GALK2: variants seen among roughly 807,000 people sequenced by gnomAD.
GALK2 encodes the protein galactokinase 2.
Under a neutral mutation model 52.4 loss-of-function variants are expected in GALK2, and 36 were observed. The ratio of observed to expected loss-of-function variants is 0.69; its 90% CI spans 0.53 to 0.91. GALK2 has a LOEUF of 0.91. GALK2 is among the 40% of genes least tolerant of loss of function. The pLI is 0.00. For missense variants in GALK2, 579 were observed against 559.1 expected (o/e 1.04, Z -0.36); for synonymous variants, 176 against 199.1 (o/e 0.88, Z 0.98).
chr15:49,343,303 T>TG (rs2041013771), intron 3 of GALK2, among the ~76,000 whole-genome samples: 1 of 152,150 alleles, frequency 6.6e-6, no homozygotes, highest in South Asian at 2.1e-4. Context: ...TTCTTCTGCT[T>TG]GGAACAGTCT....
At chr15:49,361,931 A>G (rs1333440495) in intron 3 of GALK2, among the ~76,000 whole-genome samples, 1 of 152,088 alleles carries the variant, frequency 6.6e-6, no homozygotes, top group Non-Finnish European at 1.5e-5. Flanking sequence ...TTTCCATAGT[A>G]GCCATTCTAA....
At chr15:49,333,096 A>G (rs1035024697), downstream of GALK2, among the ~76,000 whole-genome samples, 1 of 152,108 alleles carries the variant, frequency 6.6e-6, no homozygotes, top group Non-Finnish European at 1.5e-5. Flanking sequence ...CTAAGTTAAA[A>G]TCACTCCCTC....
chr15:49,308,543 C>G (rs1175991231), intron 8 of GALK2, among the ~76,000 whole-genome samples: 1 of 152,142 alleles, frequency 6.6e-6, no homozygotes, highest in Non-Finnish European at 1.5e-5. Context: ...ATACTTATTG[C>G]TTTTTAGCTT....
rs576206858 is a variant in GALK2 at position 49,250,231 on chromosome 15, G to C, written c.504+10864G>C. On this transcript the variant is annotated intron_variant, in intron 5 of 9. Coordinates refer to ENST00000560031, the MANE Select transcript of GALK2 (RefSeq NM_002044.4). ...ACAGTGGTCATGGGAAGAGTAAGGA[G>C]CCAAATCATATTGTGTGGAGAAGAA... Among the ~76,000 whole-genome samples the C allele has an allele frequency of 2.6e-5, 4 of 152,278 alleles. No homozygotes were observed. The South Asian group carries it at 6.2e-4, about 24-fold the overall frequency.
At chr15:49,211,307 A>G (rs2088866430) in intron 2 of GALK2, among the ~76,000 whole-genome samples, 1 of 152,150 alleles carries the variant, frequency 6.6e-6, no homozygotes, top group Admixed American at 6.5e-5. Flanking sequence ...AAAGTTTTGT[A>G]TTTTCATCTG....
At chr15:49,334,258 G>A, downstream of GALK2, 1 of 984,516 alleles carries the variant, frequency 1.0e-6, no homozygotes, top group South Asian at 4.7e-5. Context: ...TGCTGTTTTA[G>A]AAGTTTTATT....
intron 5 of GALK2, among the ~76,000 whole-genome samples, chr15:49,267,958 G>T (rs1398279711): frequency 6.6e-6 from 1 of 152,146 alleles, no homozygotes. Flanking sequence ...AGATTTGCCA[G>T]TGTCATATAA....
chr15:49,270,070 G>A (rs76765487), intron 5 of GALK2, among the ~76,000 whole-genome samples: 1,858 of 152,136 alleles, frequency 0.012, 36 homozygotes, highest in African/African-American at 0.043. Context: ...CTCCCCTAAC[G>A]TAACTATTCC....
rs1245775118 is a variant in GALK2, at chr15:49,299,800, TG to T, written c.967+7264del. ...CTTTCTTTCTTTCTTTCTTTCGTGC[TG>T]TAGTCTGAGAGCGTGATTGGTATGA... On this transcript the variant is annotated intron_variant, in intron 8 of 9. Transcript: ENST00000560031. Among the ~76,000 whole-genome samples, 1,272 of 141,022 alleles carry T rather than the reference TG, an allele frequency of 9.0e-3. 29 individuals carry two copies. Among genetic ancestry groups the T allele is most frequent in the African/African-American group, 0.019 (721 of 37,084 alleles). 92.5% of individuals were successfully genotyped at this position (141,022 alleles called of 152,430 possible).
chr15:49,162,719 T>C (rs1470523831), intron 1 of GALK2, among the ~76,000 whole-genome samples: 4 of 152,226 alleles, frequency 2.6e-5, no homozygotes, highest in African/African-American at 9.6e-5. Context: ...AGTGCCCATG[T>C]TGGGAAGGAC....
intron 3 of GALK2, among the ~76,000 whole-genome samples, chr15:49,223,988 A>G (rs1296031044): frequency 6.6e-6 from 1 of 152,016 alleles, no homozygotes; most frequent in Non-Finnish European, 1.5e-5. Flanking sequence ...ACAGTGGCTG[A>G]ACTAATTTAC....
chr15:49,192,642 T>C (rs980023612), intron 1 of GALK2, among the ~76,000 whole-genome samples: 2 of 151,386 alleles, frequency 1.3e-5, no homozygotes, highest in Non-Finnish European at 2.9e-5. Flanking sequence ...TGTACCAAAT[T>C]TGTATTCCCA....
At chr15:49,203,700 AT>A (rs2087995432) in intron 2 of GALK2, among the ~76,000 whole-genome samples, 14 of 152,326 alleles carry the variant, frequency 9.2e-5, no homozygotes, top group Non-Finnish European at 1.6e-4. Context: ...ATTCATTTTT[AT>A]AAATGGTGAG....
chr15:49,211,770 A>T (rs1192703566), intron 2 of GALK2, among the ~76,000 whole-genome samples: 2 of 152,138 alleles, frequency 1.3e-5, no homozygotes, highest in African/African-American at 2.4e-5. Flanking sequence ...AAATGATCAG[A>T]TCTCATGAGA....
chr15:49,174,021 C>T (rs78742999), intron 1 of GALK2, among the ~76,000 whole-genome samples: 10,414 of 152,158 alleles, frequency 0.068, 750 homozygotes, highest in African/African-American at 0.18. Context: ...CAGGCTGAGC[C>T]GCTGTGCCCC....
chr15:49,315,399 G>A (rs2036319446), intron 8 of GALK2, among the ~76,000 whole-genome samples: 1 of 152,198 alleles, frequency 6.6e-6, no homozygotes, highest in Non-Finnish European at 1.5e-5. Context: ...CAGCTATAAT[G>A]TTAGCTGGAC....
chr15:49,319,625 A>G lies in GALK2; in HGVS notation c.989A>G (p.Gln330Arg), dbSNP rs778250145. ...TCAGTGCTCATCTTCAAACTCTATC[A>G]GCGGGCAAAGCATGTGTACAGCGAG... ...TQDVLIFKLY[Q>R]RAKHVYSEAA... is the part of the protein sequence containing the mutation. The change falls in exon 9 of 10, where the codon CAG becomes CGG. Residue 330 changes from glutamine (Q) to arginine (R), a missense_variant. Transcript: ENST00000560031. 6.2e-7 allele frequency: 1 copy of G among 1,614,162 alleles called. No individual in the cohort carries two copies. Among genetic ancestry groups the G allele is most frequent in the South Asian group, 1.1e-5 (1 of 91,064 alleles).
chr15:49,277,137 ATTTTTTTTTTTTTTTTTTTTTTT>A (rs1272500341), intron 5 of GALK2, among the ~76,000 whole-genome samples: 9 of 35,952 alleles, frequency 2.5e-4, no homozygotes, highest in African/African-American at 7.5e-4. Context: ...TAATTTTTGT[ATTTTTTTTTTTTTTTTTTTTTTT>A]TTTTTTTTTT....
At chr15:49,198,988 T>G (rs527379887) in intron 1 of GALK2, 2 of 152,196 alleles carry the variant, frequency 1.3e-5, no homozygotes, top group African/African-American at 4.8e-5. Flanking sequence ...AGTTTTGACC[T>G]GCTCCATTTC....
Sources: gnomAD v4.1 joint callset for allele counts (sites outside exome capture counted in the v4.1 genomes callset) on GRCh38, gnomAD v4.1.1 for gene constraint, MANE v1.5 for transcripts, NCBI Gene and HGNC (gene_info 2026-07-23, HGNC 2026-07-21) for gene names.